Variants in SRPK1 observed in about 807,000 individuals in gnomAD.
SRPK1 encodes the protein SFRS protein kinase 1.
SRPK1 carries 52 observed loss-of-function variants against 89.5 expected under a neutral mutation model. The ratio of observed to expected loss-of-function variants is 0.58; its 90% CI spans 0.46 to 0.73. SRPK1 has a LOEUF of 0.73. SRPK1 is among the 30% of genes least tolerant of loss of function. The probability of loss-of-function intolerance (pLI) is 0.00; values close to 1 mark genes in which losing one functional copy is unlikely to be tolerated. For synonymous variants in SRPK1, 255 were observed against 270.2 expected, an observed-to-expected ratio of 0.94 and a Z score of 0.55; for missense variants, 603 against 780.6, an observed-to-expected ratio of 0.77 and a Z score of 2.71.
chr6:35,845,221 T>C (rs1769401053), intron 13 of SRPK1, among the ~76,000 whole-genome samples: 1 of 152,190 alleles, frequency 6.6e-6, no homozygotes, highest in Non-Finnish European at 1.5e-5. Flanking sequence ...TTGTCAAAAC[T>C]TCTAAAAGAG....
At chr6:35,868,188 G>C (rs1391477396) in intron 12 of SRPK1, among the ~76,000 whole-genome samples, 1 of 152,006 alleles carries the variant, frequency 6.6e-6, no homozygotes, top group East Asian at 1.9e-4. Flanking sequence ...TGGTCAGGCT[G>C]GTCTCGAACT....
chr6:35,885,321 A>G (rs969596484), intron 6 of SRPK1, among the ~76,000 whole-genome samples: 4 of 150,974 alleles, frequency 2.6e-5, no homozygotes, highest in Admixed American at 2.0e-4. Flanking sequence ...AGAGAGAGAG[A>G]GAGAGAGAGC....
chr6:35,899,465 T>G (rs1342818924), intron 2 of SRPK1, among the ~76,000 whole-genome samples: 1 of 152,184 alleles, frequency 6.6e-6, no homozygotes, highest in Non-Finnish European at 1.5e-5. Flanking sequence ...ACTCCCAGAA[T>G]GTAAGCTTCA....
At chr6:35,877,034 G>C (rs1382980481) in intron 6 of SRPK1, among the ~76,000 whole-genome samples, 1 of 152,220 alleles carries the variant, frequency 6.6e-6, no homozygotes, top group Non-Finnish European at 1.5e-5. Context: ...AAGCACATGT[G>C]TGTGAGGAAA....
chr6:35,888,264 T>C (rs1770450075), intron 4 of SRPK1, among the ~76,000 whole-genome samples, 153 bp from the exon 5 acceptor site: 1 of 152,214 alleles, frequency 6.6e-6, no homozygotes, highest in African/African-American at 2.4e-5. Context: ...TTTATACTTG[T>C]TAATGACACT....
chr6:35,891,537 T>C (rs1287754950), intron 2 of SRPK1, among the ~76,000 whole-genome samples: 3 of 152,070 alleles, frequency 2.0e-5, no homozygotes, highest in African/African-American at 7.2e-5. Context: ...CTGGCCAATA[T>C]GGTGAAACCC....
intron 7 of SRPK1, among the ~76,000 whole-genome samples, chr6:35,874,004 T>C (rs572295424): frequency 1.3e-5 from 2 of 150,998 alleles, no homozygotes; most frequent in East Asian, 3.9e-4. Context: ...ACTTTTTGTA[T>C]TTTGAGTAGA....
intron 13 of SRPK1, 34 bp downstream of exon 13, chr6:35,857,227 T>C (rs1249132322): frequency 2.0e-6 from 3 of 1,513,476 alleles, no homozygotes; most frequent in Admixed American, 1.8e-5. Context: ...TATGTACCAC[T>C]TAACAAGTGA....
intron 2 of SRPK1, among the ~76,000 whole-genome samples, chr6:35,904,638 A>T (rs1770811024): frequency 6.6e-6 from 1 of 151,704 alleles, no homozygotes; most frequent in Admixed American, 6.6e-5. Context: ...GTCTCTACTA[A>T]AAATACAAAA....
intron 2 of SRPK1, among the ~76,000 whole-genome samples, chr6:35,918,392 T>C (rs976044944): frequency 1.3e-5 from 2 of 152,040 alleles, no homozygotes; most frequent in Non-Finnish European, 2.9e-5. Context: ...TCCCAGCTAC[T>C]TGGGGGGCTG....
At chr6:35,880,922 T>C (rs1239089078) in intron 6 of SRPK1, among the ~76,000 whole-genome samples, 2 of 151,482 alleles carry the variant, frequency 1.3e-5, no homozygotes, top group African/African-American at 4.9e-5. Context: ...TTTTGAAAGA[T>C]TAAGAGGGAA....
chr6:35,881,637 AAAGTTAT>A (rs1770293959), intron 6 of SRPK1, among the ~76,000 whole-genome samples: 1 of 152,144 alleles, frequency 6.6e-6, no homozygotes, highest in Non-Finnish European at 1.5e-5. Context: ...TCAATCAGAA[AAAGTTAT>A]AAGAGATAAA....
intron 12 of SRPK1, among the ~76,000 whole-genome samples, chr6:35,862,126 G>A (rs1769795292): frequency 6.6e-6 from 1 of 152,010 alleles, no homozygotes; most frequent in Admixed American, 6.6e-5. Context: ...GGGTCCCAGC[G>A]GGTTGCTCCA....
At position 35,874,356 on chromosome 6, in the gene SRPK1, G is replaced by T; in HGVS notation, c.479-17C>A. On this transcript the variant is annotated splice_polypyrimidine_tract_variant and intron_variant, in intron 6 of 15. Transcript: ENST00000373825. Reference sequence around the variant, plus strand: ...TGCAGATATCTAGGAATTCATTAAGGAGGGAAAAAACGGCACAAAAGAAGA... The same window carrying T: ...TGCAGATATCTAGGAATTCATTAAGTAGGGAAAAAACGGCACAAAAGAAGA... 1.3e-6 allele frequency: 2 copies of T among 1,584,304 alleles called. No individual in the cohort carries two copies. Among genetic ancestry groups the T allele is most frequent in the Non-Finnish European group, 1.7e-6 (2 of 1,156,396 alleles).
chr6:35,887,045 A>G (rs1770424686), intron 5 of SRPK1, among the ~76,000 whole-genome samples: 1 of 152,248 alleles, frequency 6.6e-6, no homozygotes, highest in Non-Finnish European at 1.5e-5. Flanking sequence ...TTGCTCCCTG[A>G]TATCAATCAA....
At chr6:35,877,468 G>C (rs190262922) in intron 6 of SRPK1, among the ~76,000 whole-genome samples, 2 of 152,290 alleles carry the variant, frequency 1.3e-5, no homozygotes, top group Admixed American at 1.3e-4. Flanking sequence ...GTTAGAATTA[G>C]ACAAGGACAA....
At chr6:35,908,697 G>A (rs1770899322) in intron 2 of SRPK1, among the ~76,000 whole-genome samples, 1 of 152,214 alleles carries the variant, frequency 6.6e-6, no homozygotes, top group Non-Finnish European at 1.5e-5. Context: ...ATTTTCTGGG[G>A]AGAAATTCAA....
rs747255899 is a variant in SRPK1 at position 35,870,321 on chromosome 6, C to T, written c.951G>A (p.Leu317=). ...EESESPVERP[L]KENPPNKMTQ... Reference sequence around the variant, plus strand: ...TCATTTTATTAGGTGGGTTCTCTTTCAAGGGTCTTTCAACAGGACTCTCTG... The same window carrying T: ...TCATTTTATTAGGTGGGTTCTCTTTTAAGGGTCTTTCAACAGGACTCTCTG... Residue 317 remains leucine (L), a synonymous_variant, in exon 10 of 16, where the codon TTG becomes TTA. Transcript: ENST00000373825. 18 of 1,613,458 alleles carry T rather than the reference C, an allele frequency of 1.1e-5. No homozygotes were observed. Among genetic ancestry groups the T allele is most frequent in the Non-Finnish European group, 1.4e-5 (17 of 1,179,734 alleles).
At chr6:35,915,462 TAAAAATATTTTAAATGTATATACC>T (rs377638474) in intron 2 of SRPK1, among the ~76,000 whole-genome samples, 1 of 146,236 alleles carries the variant, frequency 6.8e-6, no homozygotes, top group African/African-American at 2.5e-5. Flanking sequence ...CAAAATGAAC[TAAAAATATTTTAAATGTATATACC>T]ATTCGAAGTA....
Sources: allele counts gnomAD v4.1 joint callset (sites outside exome capture counted in the v4.1 genomes callset), GRCh38; gene constraint gnomAD v4.1.1; transcripts MANE v1.5; gene names NCBI Gene and HGNC (gene_info 2026-07-23, HGNC 2026-07-21).